Variants in VEZT observed in about 807,000 individuals in gnomAD.
VEZT encodes the protein vezatin.
Under a neutral mutation model 79.9 loss-of-function variants are expected in VEZT, and 39 were observed. That is an observed-to-expected ratio of 0.49 (90% CI 0.38 to 0.64). The LOEUF is 0.64. Ranked by LOEUF, VEZT falls within the 30% of genes least tolerant of loss-of-function variation. The probability of loss-of-function intolerance (pLI) is 0.00; values close to 1 mark genes in which losing one functional copy is unlikely to be tolerated. For synonymous variants in VEZT, 325 were observed against 327.6 expected (o/e 0.99, Z 0.09); for missense variants, 837 against 893.1 (o/e 0.94, Z 0.80).
rs11428521 is a variant in VEZT at position 95,292,548 on chromosome 12, AT to A, written c.1523-1706del. Among the ~76,000 whole-genome samples, 403 of 135,456 alleles carry A rather than the reference AT, an allele frequency of 3.0e-3. 2 individuals carry two copies. Among genetic ancestry groups the A allele is most frequent in the African/African-American group, 5.4e-3 (196 of 36,166 alleles). The allele number at this position is 135,456 out of a possible 152,430, so 88.9% of individuals were successfully genotyped here. On this transcript the variant is annotated intron_variant, in intron 9 of 11. Transcript: ENST00000436874. ...CACCACTGTTCTACAGATAACTGTA[AT>A]TTTTTTTTTTTTTTTTTGAGACAAA...
chr12:95,250,811 A>G (rs1418987104), intron 1 of VEZT, among the ~76,000 whole-genome samples: 1 of 148,696 alleles, frequency 6.7e-6, no homozygotes, highest in Non-Finnish European at 1.5e-5. Flanking sequence ...ATATATAGTT[A>G]AAAGTATAAA....
At chr12:95,253,377 G>T (rs1420535443) in intron 2 of VEZT, among the ~76,000 whole-genome samples, 2 of 152,200 alleles carry the variant, frequency 1.3e-5, no homozygotes, top group Admixed American at 1.3e-4. Context: ...AAACACTAGA[G>T]AATTTTTTGA....
At chr12:95,267,439 A>AT (rs2065747362) in intron 5 of VEZT, among the ~76,000 whole-genome samples, 1 of 152,184 alleles carries the variant, frequency 6.6e-6, no homozygotes, top group Non-Finnish European at 1.5e-5. Context: ...TTTGCAATCT[A>AT]TAGGTGGGGG....
At chr12:95,234,553 C>G (rs921486875) in intron 1 of VEZT, among the ~76,000 whole-genome samples, 1 of 152,110 alleles carries the variant, frequency 6.6e-6, no homozygotes, top group South Asian at 2.1e-4. Context: ...CCTCAGCCTC[C>G]GAAAGTGCTG....
chr12:95,227,898 C>G (rs1381108081), intron 1 of VEZT, among the ~76,000 whole-genome samples: 3 of 152,186 alleles, frequency 2.0e-5, no homozygotes, highest in African/African-American at 7.2e-5. Context: ...TTCATTTAAA[C>G]CATTCCTTTG....
At chr12:95,244,875 C>G (rs1398955491) in intron 1 of VEZT, among the ~76,000 whole-genome samples, 1 of 151,714 alleles carries the variant, frequency 6.6e-6, no homozygotes, top group Non-Finnish European at 1.5e-5. Flanking sequence ...TTTCCATACT[C>G]TGTATTTAGC....
At chr12:95,255,806 T>G (rs1051615473) in intron 2 of VEZT, among the ~76,000 whole-genome samples, 2 of 152,218 alleles carry the variant, frequency 1.3e-5, no homozygotes, top group Non-Finnish European at 2.9e-5. Flanking sequence ...TTGCCAATTA[T>G]TTTTCTTTAT....
chr12:95,286,543 G>C, intron 8 of VEZT: 1 of 514,300 alleles, frequency 1.9e-6, no homozygotes, highest in Non-Finnish European at 3.9e-6. Flanking sequence ...TTGATTTGCT[G>C]TCATCAGATT....
intron 1 of VEZT, among the ~76,000 whole-genome samples, chr12:95,246,061 C>G (rs985224950): frequency 6.6e-6 from 1 of 152,214 alleles, no homozygotes; most frequent in African/African-American, 2.4e-5. Context: ...AAAACAAGCA[C>G]TGCCATAAGT....
intron 9 of VEZT, among the ~76,000 whole-genome samples, chr12:95,290,381 C>G (rs1277767181): frequency 6.6e-6 from 1 of 152,132 alleles, no homozygotes; most frequent in Non-Finnish European, 1.5e-5. Flanking sequence ...TGTTTATAAA[C>G]TAAAACTAGA....
intron 9 of VEZT, among the ~76,000 whole-genome samples, chr12:95,292,751 A>G (rs1265092105): frequency 6.7e-6 from 1 of 150,242 alleles, no homozygotes; most frequent in African/African-American, 2.5e-5. Context: ...GTTTCACCAT[A>G]TTAGCCAGGC....
intron 11 of VEZT, chr12:95,297,047 G>A (rs2074301461): frequency 6.6e-6 from 1 of 152,288 alleles, no homozygotes. Flanking sequence ...CACTTTAGTA[G>A]ATGGGAGGGG....
chr12:95,280,773 G>A (rs553595739), intron 7 of VEZT, among the ~76,000 whole-genome samples: 2 of 152,160 alleles, frequency 1.3e-5, no homozygotes, highest in Admixed American at 6.5e-5. Flanking sequence ...CACATCATGG[G>A]TGCTCAAGAA....
rs2064125879 is a variant in VEZT, at chr12:95,260,071, AGAT to A, written c.259-2831_259-2829del. ...GCCTTTCAAGTTTATTTGTATTCAT[AGAT>A]GATTGTAGGTTGTTGGTTGATCACT... On this transcript the variant is annotated intron_variant, in intron 3 of 11. Coordinates refer to ENST00000436874, the MANE Select transcript of VEZT (RefSeq NM_017599.4). Among the ~76,000 whole-genome samples the A allele has an allele frequency of 2.1e-5, 3 of 144,670 alleles. 1 individual carries two copies. In the South Asian group the frequency reaches 6.9e-4, roughly 33 times the overall value. 94.9% of individuals were successfully genotyped at this position (144,670 alleles called of 152,430 possible).
chr12:95,263,178 T>A, intron 4 of VEZT, 97 bp downstream of exon 4: 1 of 1,097,334 alleles, frequency 9.1e-7, no homozygotes, highest in Non-Finnish European at 1.2e-6. Context: ...GGCATAAACA[T>A]TCCATACATT....
In VEZT at chr12:95,240,012, G is replaced by GAC. The variant is rs1276958929; in HGVS notation, c.37-11927_37-11926insCA. 5.9e-3 allele frequency among the ~76,000 whole-genome samples: 792 copies of GAC among 133,948 alleles called. 7 individuals are homozygous for GAC. The highest frequency in any genetic ancestry group is 7.9e-3 in the African/African-American group (276 of 34,952). 87.9% of individuals were successfully genotyped at this position (133,948 alleles called of 152,430 possible). A position where few individuals can be genotyped will look rare whatever the true frequency, so the allele number is the denominator to read the frequency against. On this transcript the variant is annotated intron_variant, in intron 1 of 11. Coordinates refer to ENST00000436874, the MANE Select transcript of VEZT (RefSeq NM_017599.4). ...GAGAGAGAGGAGACAGAGAGAGAAAGAGAGAAAGAAAGGAAGGAAGGAAGG... is the reference window on the plus strand; with the variant it reads ...GAGAGAGAGGAGACAGAGAGAGAAAGACAGAGAAAGAAAGGAAGGAAGGAAGG...
At chr12:95,268,370 T>C (rs10777680) in intron 5 of VEZT, among the ~76,000 whole-genome samples, 113,449 of 151,574 alleles carry the variant, frequency 0.75, 43,418 homozygotes, top group African/African-American at 0.92. Flanking sequence ...TGGTGGCGGG[T>C]GCCTGTAGAC....
chr12:95,236,777 G>A (rs567489520), intron 1 of VEZT, among the ~76,000 whole-genome samples: 2 of 152,050 alleles, frequency 1.3e-5, no homozygotes, highest in South Asian at 4.2e-4. Flanking sequence ...AGTAGAGACG[G>A]GGTTTCACTA....
chr12:95,286,992 T>C (rs1024637546), intron 8 of VEZT, among the ~76,000 whole-genome samples: 6 of 14,428 alleles, frequency 4.2e-4, no homozygotes, highest in Non-Finnish European at 7.0e-4. Flanking sequence ...GAAGTGGGGG[T>C]GGGGTGGGGT....
Sources: allele counts gnomAD v4.1 joint callset (sites outside exome capture counted in the v4.1 genomes callset), GRCh38; gene constraint gnomAD v4.1.1; transcripts MANE v1.5; gene names NCBI Gene and HGNC (gene_info 2026-07-23, HGNC 2026-07-21).